The following XPNPEP3 variants were observed in gnomAD, a reference collection of about 807,000 sequenced individuals.
The protein encoded by XPNPEP3 is X-prolyl aminopeptidase 3, also known as xaa-Pro aminopeptidase 3.
XPNPEP3 carries 41 observed loss-of-function variants against 60.0 expected under a neutral mutation model. The observed-to-expected ratio is 0.68, with a 90% confidence interval of 0.53 to 0.89. The LOEUF (loss-of-function observed/expected upper bound fraction) is 0.89. XPNPEP3 is among the 40% of genes least tolerant of loss of function. The pLI is 0.00. For synonymous variants in XPNPEP3, 212 were observed against 223.2 expected, an observed-to-expected ratio of 0.95 and a Z score of 0.45; for missense variants, 598 against 638.9, an observed-to-expected ratio of 0.94 and a Z score of 0.69.
intron 3 of XPNPEP3, among the ~76,000 whole-genome samples, chr22:40,885,204 AT>A (rs569853292): frequency 1.3e-5 from 2 of 152,166 alleles, no homozygotes; most frequent in South Asian, 4.1e-4. Context: ...AGTTTTCTGG[AT>A]TTTTTCCCCT....
At chr22:40,874,368 A>G (rs1569017596) in intron 2 of XPNPEP3, among the ~76,000 whole-genome samples, 1 of 152,076 alleles carries the variant, frequency 6.6e-6, no homozygotes, top group Non-Finnish European at 1.5e-5. Flanking sequence ...ACGTGCTAGG[A>G]CTCTATAAAT....
chr22:40,866,348 G>T (rs752217794), intron 1 of XPNPEP3, among the ~76,000 whole-genome samples: 1 of 151,816 alleles, frequency 6.6e-6, no homozygotes, highest in Non-Finnish European at 1.5e-5. Context: ...TCATAGGAGC[G>T]TTGGGGAAGA....
At position 40,857,216 on chromosome 22, in the gene XPNPEP3, C is replaced by T. The variant is rs1420297030; in HGVS notation, c.35C>T (p.Pro12Leu). The T allele has an allele frequency of 6.2e-7, 1 of 1,614,240 alleles. No individual in the cohort carries two copies. The highest frequency in any genetic ancestry group is 1.1e-5 in the South Asian group (1 of 91,086). The change falls in exon 1 of 10, where the codon CCC becomes CTC. Residue 12 changes from proline (P) to leucine (L), a missense_variant. Physicochemically the swap from Pro to Leu is moderately conservative, Grantham distance 98. Coordinates refer to ENST00000357137, the MANE Select transcript of XPNPEP3 (RefSeq NM_022098.4). ...PWLLSAPKLVPAVANVRGLSG... is the reference protein window; with the variant it reads ...PWLLSAPKLVLAVANVRGLSG... ...CTGCTCTCAGCCCCCAAGCTGGTTC[C>T]CGCTGTAGCAAACGTCCGCGGCCTC...
intron 8 of XPNPEP3, 48 bp downstream of exon 8, chr22:40,922,561 G>A (rs976706375): frequency 6.2e-7 from 1 of 1,604,190 alleles, no homozygotes; most frequent in Non-Finnish European, 8.5e-7. Flanking sequence ...CTAGCATGCT[G>A]CTAGGTTTTT....
At chr22:40,861,691 GA>G (rs781361394) in intron 1 of XPNPEP3, 3 of 1,613,924 alleles carry the variant, frequency 1.9e-6, no homozygotes, top group Middle Eastern at 1.6e-4. Flanking sequence ...TCCCTTTCAT[GA>G]AAAATTTCTT....
intron 2 of XPNPEP3, among the ~76,000 whole-genome samples, chr22:40,878,818 C>A (rs868416130): frequency 1.4e-4 from 22 of 152,230 alleles, no homozygotes; most frequent in African/African-American, 5.3e-4. Context: ...GAACTCCTGA[C>A]CTCAGGTGAT....
intron 4 of XPNPEP3, among the ~76,000 whole-genome samples, chr22:40,902,094 A>C (rs557566138): frequency 5.3e-5 from 6 of 113,682 alleles, no homozygotes; most frequent in Non-Finnish European, 9.7e-5. Context: ...TTTTTTTGAG[A>C]TGGAGTCTCG....
intron 4 of XPNPEP3, among the ~76,000 whole-genome samples, chr22:40,900,880 C>T (rs1034407387): frequency 2.0e-5 from 3 of 152,058 alleles, no homozygotes; most frequent in Admixed American, 6.6e-5. Context: ...CTTCAGTGAG[C>T]CAAGATCACA....
intron 1 of XPNPEP3, chr22:40,861,038 CA>C (rs1343512118): frequency 6.5e-7 from 1 of 1,549,748 alleles, no homozygotes; most frequent in African/African-American, 1.4e-5. Flanking sequence ...CAATTGTGTT[CA>C]AATGTTATAT....
chr22:40,924,261 A>G (rs1318613149), intron 8 of XPNPEP3, 101 bp from the exon 9 acceptor site: 24 of 1,537,050 alleles, frequency 1.6e-5, no homozygotes, highest in Non-Finnish European at 2.0e-5. Flanking sequence ...TGGCAGAACC[A>G]TGGGGGAGAT....
intron 1 of XPNPEP3, 143 bp from the exon 2 acceptor site, chr22:40,868,856 T>A (rs531420711): frequency 0.01 from 6,855 of 680,976 alleles, 25 homozygotes; most frequent in Non-Finnish European, 0.013. Flanking sequence ...AAAAAAAAAA[T>A]AAATGAATAT....
intron 7 of XPNPEP3, among the ~76,000 whole-genome samples, chr22:40,921,483 C>T (rs1354815841): frequency 7.3e-6 from 1 of 136,748 alleles, no homozygotes; most frequent in Non-Finnish European, 1.5e-5. Context: ...GAGACCTTGT[C>T]TCTAAAAAAA....
chr22:40,885,175 T>G (rs997440971), intron 3 of XPNPEP3, among the ~76,000 whole-genome samples: 2 of 152,130 alleles, frequency 1.3e-5, no homozygotes, highest in African/African-American at 2.4e-5. Context: ...AATCATAGAA[T>G]CAGTGCATAT....
At chr22:40,905,408 C>T (rs2058150895) in intron 4 of XPNPEP3, among the ~76,000 whole-genome samples, 1 of 152,042 alleles carries the variant, frequency 6.6e-6, no homozygotes, top group South Asian at 2.1e-4. Flanking sequence ...GTTCATTATC[C>T]AGCAGATATT....
At chr22:40,900,456 A>C (rs977887288) in intron 4 of XPNPEP3, among the ~76,000 whole-genome samples, 1 of 151,858 alleles carries the variant, frequency 6.6e-6, no homozygotes, top group Non-Finnish European at 1.5e-5. Flanking sequence ...AATACAAAAA[A>C]TTAGCCAGGC....
At chr22:40,862,155 G>A (rs2057954132) in intron 1 of XPNPEP3, 7 of 1,433,020 alleles carry the variant, frequency 4.9e-6, no homozygotes. Context: ...TGAGGATACT[G>A]ATTATGTGGC....
intron 7 of XPNPEP3, chr22:40,917,717 C>G (rs1401586516): frequency 2.0e-5 from 3 of 152,030 alleles, no homozygotes; most frequent in African/African-American, 7.2e-5. Context: ...ATGGCAAAAC[C>G]CAATCTCTAC....
chr22:40,899,144 G>A (rs2058121218), intron 4 of XPNPEP3, among the ~76,000 whole-genome samples: 2 of 152,072 alleles, frequency 1.3e-5, no homozygotes, highest in South Asian at 4.1e-4. Context: ...AGCCCCTTAT[G>A]TCCATGGTTT....
intron 7 of XPNPEP3, among the ~76,000 whole-genome samples, chr22:40,920,808 T>C (rs974351965): frequency 1.3e-5 from 2 of 152,148 alleles, no homozygotes; most frequent in Admixed American, 6.5e-5. Flanking sequence ...TTTTGTTTTT[T>C]TGAGACGGAG....
Sources: gnomAD v4.1 joint callset for allele counts (sites outside exome capture counted in the v4.1 genomes callset) on GRCh38, gnomAD v4.1.1 for gene constraint, MANE v1.5 for transcripts, NCBI Gene and HGNC (gene_info 2026-07-23, HGNC 2026-07-21) for gene names.